The following VPS13A variants were observed in gnomAD, a reference collection of about 807,000 sequenced individuals.
VPS13A encodes the protein vacuolar protein sorting 13 homolog A.
In VPS13A, 264 loss-of-function variants were observed where a neutral mutation model predicts 390.9. That is an observed-to-expected ratio of 0.68 (90% confidence interval 0.61 to 0.75). The LOEUF is 0.75. Ranked by LOEUF, VPS13A falls within the 30% of genes least tolerant of loss-of-function variation. The pLI, the probability that VPS13A is intolerant of heterozygous loss-of-function variation, is 0.00. For synonymous variants in VPS13A, 1,231 were observed against 1,227.1 expected, an observed-to-expected ratio of 1.00 and a Z score of -0.07; for missense variants, 3,409 against 3,733.9, an observed-to-expected ratio of 0.91 and a Z score of 2.27.
chr9:77,331,895 G>A (rs1324055038), intron 45 of VPS13A, 115 bp from the exon 46 acceptor site: 2 of 695,064 alleles, frequency 2.9e-6, no homozygotes, highest in South Asian at 3.4e-5. Flanking sequence ...ATATAAGCAA[G>A]ATGAATATTG....
intron 1 of VPS13A, among the ~76,000 whole-genome samples, chr9:77,193,555 A>G (rs191199536): frequency 6.6e-6 from 1 of 151,982 alleles, no homozygotes; most frequent in Non-Finnish European, 1.5e-5. Context: ...AATCACTTGA[A>G]CCCGGAAGGT....
intron 53 of VPS13A, 94 bp from the exon 54 acceptor site, chr9:77,353,315 T>G: frequency 1.0e-6 from 1 of 963,014 alleles, no homozygotes; most frequent in Non-Finnish European, 1.6e-6. Flanking sequence ...CCATTAATAG[T>G]CTCATTTTAT....
rs764049706 is a variant in VPS13A, at chr9:77,368,064, T to C, written c.8481T>C (p.Phe2827=). 5.6e-6 allele frequency: 9 copies of C among 1,611,884 alleles called. No individual in the cohort carries two copies. Among genetic ancestry groups the C allele is most frequent in the Non-Finnish European group, 6.8e-6 (8 of 1,179,320 alleles). The change falls in exon 62 of 72, where the codon TTT becomes TTC. Residue 2827 remains phenylalanine (F), a synonymous_variant. Coordinates refer to ENST00000360280, the MANE Select transcript of VPS13A (RefSeq NM_033305.3). ...DVQDVVFKLA[F]FELNYQFHTT... is the part of the protein sequence containing the mutation. ...TTTACGCTTTTTTCAGGCTTGCATT[T>C]TTTGAACTCAACTATCAGTTCCATA...
At chr9:77,342,178 C>T (rs925952136) in intron 50 of VPS13A, among the ~76,000 whole-genome samples, 6 of 151,998 alleles carry the variant, frequency 3.9e-5, no homozygotes, top group Non-Finnish European at 8.8e-5. Context: ...TGCCAGGTGT[C>T]GGAATAGCTG....
At position 77,282,136 on chromosome 9, in the gene VPS13A, T is replaced by TG; in HGVS notation, c.2980_2981insG (p.Leu994CysfsTer8). ...TGTTCTTTAGGTAAATTTTTCCTCTTTGGATATTCATTTACACACTGAAGC... is the reference window on the plus strand; with the variant it reads ...TGTTCTTTAGGTAAATTTTTCCTCTTGTGGATATTCATTTACACACTGAAGC... On this transcript the variant is annotated frameshift_variant, in exon 29 of 72. Coordinates refer to ENST00000360280, the MANE Select transcript of VPS13A (RefSeq NM_033305.3). LOFTEE classifies it high-confidence loss of function. 6.2e-7 allele frequency: 1 copy of TG among 1,613,166 alleles called. No individual in the cohort carries two copies.
chr9:77,325,621 T>C (rs1829977547), intron 45 of VPS13A, among the ~76,000 whole-genome samples: 1 of 152,024 alleles, frequency 6.6e-6, no homozygotes, highest in Admixed American at 6.6e-5. Context: ...ATTTCCTTGT[T>C]GGCTTATTGG....
At chr9:77,328,418 T>A (rs965183953) in intron 45 of VPS13A, among the ~76,000 whole-genome samples, 1 of 152,226 alleles carries the variant, frequency 6.6e-6, no homozygotes, top group African/African-American at 2.4e-5. Flanking sequence ...TAACTTCAGG[T>A]CACTAGCTTC....
intron 61 of VPS13A, 50 bp from the exon 62 acceptor site, chr9:77,368,005 T>C (rs1832530466): frequency 2.0e-6 from 3 of 1,489,178 alleles, no homozygotes; most frequent in Admixed American, 3.7e-5. Flanking sequence ...ATATTAAAAA[T>C]ACTTTCTTCA....
intron 68 of VPS13A, chr9:77,383,070 G>A (rs1833525710): frequency 2.1e-6 from 2 of 969,482 alleles, no homozygotes; most frequent in Admixed American, 6.2e-5. Context: ...GTTGGAATAT[G>A]AAGCTTCCTT....
At chr9:77,210,562 G>T in intron 6 of VPS13A, 54 bp from the exon 7 acceptor site, 3 of 1,563,068 alleles carry the variant, frequency 1.9e-6, no homozygotes, top group Non-Finnish European at 2.6e-6. Flanking sequence ...CTATAAAGTG[G>T]ATTTTATCCA....
chr9:77,334,573 C>G (rs1317104433), intron 46 of VPS13A, among the ~76,000 whole-genome samples: 1 of 152,156 alleles, frequency 6.6e-6, no homozygotes. Flanking sequence ...TGCCCTCAGT[C>G]TACTCTAAAC....
At chr9:77,364,655 G>C (rs189731037) in intron 59 of VPS13A, among the ~76,000 whole-genome samples, 104 of 152,294 alleles carry the variant, frequency 6.8e-4, no homozygotes, top group African/African-American at 2.3e-3. Flanking sequence ...GTCTGGGAGA[G>C]GGGACAGAGG....
At chr9:77,308,212 CCTTTCCTTCTTT>C in intron 35 of VPS13A, 114 bp downstream of exon 35, 1 of 1,163,084 alleles carries the variant, frequency 8.6e-7, no homozygotes, top group Non-Finnish European at 1.3e-6. Flanking sequence ...CTTTCTCCCT[CCTTTCCTTCTTT>C]CTTTCCTTCT....
chr9:77,191,379 C>T (rs1401979680), intron 1 of VPS13A, among the ~76,000 whole-genome samples: 3 of 151,354 alleles, frequency 2.0e-5, no homozygotes, highest in Non-Finnish European at 4.4e-5. Context: ...CTGCAGCCTC[C>T]ACCTTCCAGG....
chr9:77,353,524 A>G lies in VPS13A; in HGVS notation c.7535A>G (p.Tyr2512Cys), dbSNP rs138966083. Reference protein sequence around the residue: ...TEDPRVFKVTYESEKAELAEQ... With the variant: ...TEDPRVFKVTCESEKAELAEQ... ...GATCCAAGGGTATTTAAAGTAACAT[A>G]TGAAAGTGAGAAAGCAGAGTTAGCA... The change falls in exon 54 of 72, where the codon TAT becomes TGT. Residue 2512 changes from tyrosine to cysteine, a missense_variant. This residue lies in a region of VPS13A where 221 missense variants were observed against 300.7 expected (regional missense o/e 0.73). Transcript: ENST00000360280. 3 of 1,613,434 alleles carry G rather than the reference A, an allele frequency of 1.9e-6. No individual in the cohort carries two copies. Among genetic ancestry groups the G allele is most frequent in the African/African-American group, 1.3e-5 (1 of 74,890 alleles).
In VPS13A at chr9:77,332,390, T is replaced by G. The variant is rs532213090; in HGVS notation, c.6095+277T>G. On this transcript the variant is annotated intron_variant, in intron 46 of 71. Transcript: ENST00000360280. ...GTCATATGATTATGAGTTTTAAAAA[T>G]GTCTAATAGATCATGCCTGGTGGTT... Among the ~76,000 whole-genome samples, 3 of 152,080 alleles carry G rather than the reference T, an allele frequency of 2.0e-5. No homozygotes were observed. In the South Asian group the frequency reaches 6.2e-4, roughly 32 times the overall value.
chr9:77,283,812 T>C (rs1827178073), intron 31 of VPS13A, among the ~76,000 whole-genome samples, 162 bp downstream of exon 31: 1 of 152,174 alleles, frequency 6.6e-6, no homozygotes, highest in African/African-American at 2.4e-5. Flanking sequence ...CTCTACTCCT[T>C]AGTAGCTGTG....
chr9:77,302,460 C>T (rs1256239559), intron 33 of VPS13A, among the ~76,000 whole-genome samples: 7 of 149,490 alleles, frequency 4.7e-5, no homozygotes, highest in Non-Finnish European at 1.0e-4. Flanking sequence ...GCAACCTCCA[C>T]CTCCCAGGTT....
intron 10 of VPS13A, among the ~76,000 whole-genome samples, chr9:77,214,865 AT>A (rs1322548993): frequency 6.6e-6 from 1 of 152,194 alleles, no homozygotes; most frequent in Non-Finnish European, 1.5e-5. Context: ...AAAGAAAAAA[AT>A]CAGTGCTGTT....
Sources: gnomAD v4.1 joint callset for allele counts (sites outside exome capture counted in the v4.1 genomes callset) on GRCh38, gnomAD v4.1.1 for gene constraint, gnomAD v4.1.1 regional missense constraint, MANE v1.5 for transcripts, NCBI Gene and HGNC (gene_info 2026-07-23, HGNC 2026-07-21) for gene names.